TLN2: variants seen among roughly 807,000 people sequenced by gnomAD.
TLN2 encodes the protein talin-2.
In TLN2, 118 loss-of-function variants were observed where a neutral mutation model predicts 294.7. The ratio of observed to expected loss-of-function variants is 0.40; its 90% CI spans 0.34 to 0.47. TLN2 has a LOEUF of 0.47. Among genes scored for constraint, TLN2 ranks in the 20% least tolerant of loss-of-function variants. The pLI, the probability that TLN2 is intolerant of heterozygous loss-of-function variation, is 0.84. For synonymous variants in TLN2, 1,431 were observed against 1,304.5 expected (o/e 1.10, Z -2.09); for missense variants, 3,083 against 3,282.2 (o/e 0.94, Z 1.48).
At chr15:62,427,567 T>G (rs2034783887) in intron 1 of TLN2, among the ~76,000 whole-genome samples, 1 of 152,020 alleles carries the variant, frequency 6.6e-6, no homozygotes, top group African/African-American at 2.4e-5. Flanking sequence ...CTTGCTGGGC[T>G]GGGGGGTGGA....
chr15:62,481,269 A>G (rs1158875507), intron 1 of TLN2, among the ~76,000 whole-genome samples: 1 of 152,106 alleles, frequency 6.6e-6, no homozygotes, highest in East Asian at 1.9e-4. Context: ...TAAAAACAAC[A>G]AACTATTAAT....
intron 12 of TLN2, among the ~76,000 whole-genome samples, chr15:62,687,639 G>C (rs1335824910): frequency 6.6e-6 from 1 of 152,188 alleles, no homozygotes; most frequent in East Asian, 1.9e-4. Flanking sequence ...CAGTTCTTAA[G>C]ACTCTTGAAG....
chr15:62,659,838 C>A (rs2053620974), intron 9 of TLN2, among the ~76,000 whole-genome samples: 1 of 152,116 alleles, frequency 6.6e-6, no homozygotes, highest in Admixed American at 6.6e-5. Flanking sequence ...TAATTGGGTA[C>A]ATTATTGCTT....
chr15:62,496,119 C>A (rs975909375), intron 1 of TLN2, among the ~76,000 whole-genome samples: 1 of 152,250 alleles, frequency 6.6e-6, no homozygotes, highest in Non-Finnish European at 1.5e-5. Context: ...CCTGCAGAGG[C>A]TGTGATTCCA....
At chr15:62,593,917 G>A (rs893902867) in intron 2 of TLN2, among the ~76,000 whole-genome samples, 12 of 152,180 alleles carry the variant, frequency 7.9e-5, no homozygotes, top group Non-Finnish European at 2.9e-5. Flanking sequence ...TGTAAACAAT[G>A]ATCTTATGGA....
At chr15:62,463,015 C>CG (rs2036897323) in intron 1 of TLN2, among the ~76,000 whole-genome samples, 1 of 152,164 alleles carries the variant, frequency 6.6e-6, no homozygotes, top group African/African-American at 2.4e-5. Flanking sequence ...GCCGTGGCCA[C>CG]GGGGGTACTT....
chr15:62,750,668 G>T (rs1453275520), intron 34 of TLN2, among the ~76,000 whole-genome samples, 177 bp downstream of exon 34: 1 of 152,150 alleles, frequency 6.6e-6, no homozygotes, highest in South Asian at 2.1e-4. Context: ...CGGTGCATCA[G>T]AATCACCTGG....
At chr15:62,825,355 TTTGAA>T (rs1452278092) in intron 54 of TLN2, among the ~76,000 whole-genome samples, 1 of 152,134 alleles carries the variant, frequency 6.6e-6, no homozygotes, top group Non-Finnish European at 1.5e-5. Context: ...AGCCCAGTTG[TTTGAA>T]TTGATGTGAT....
chr15:62,473,000 C>G (rs2037570856), intron 1 of TLN2, among the ~76,000 whole-genome samples: 1 of 152,122 alleles, frequency 6.6e-6, no homozygotes, highest in African/African-American at 2.4e-5. Flanking sequence ...GAGACTGTTC[C>G]TGGTCACAGA....
intron 26 of TLN2, among the ~76,000 whole-genome samples, chr15:62,722,994 C>T (rs1457299995): frequency 6.6e-6 from 1 of 152,214 alleles, no homozygotes; most frequent in Non-Finnish European, 1.5e-5. Context: ...ACAAGGTCTT[C>T]AAGAGAACAG....
At chr15:62,549,480 G>GCATCCATGCATCCATC (rs1555427562) in intron 1 of TLN2, among the ~76,000 whole-genome samples, 2,273 of 147,852 alleles carry the variant, frequency 0.015, 65 homozygotes, top group African/African-American at 0.055. Flanking sequence ...TGCATGCCAT[G>GCATCCATGCATCCATC]CATCCATCCA....
intron 9 of TLN2, 82 bp from the exon 10 acceptor site, chr15:62,673,745 T>C (rs545161256): frequency 4.7e-6 from 5 of 1,065,344 alleles, no homozygotes; most frequent in East Asian, 2.4e-5. Context: ...GAGTTAACTA[T>C]GAGTTTTATT....
At chr15:62,820,639 G>T (rs200136697) in intron 54 of TLN2, 29 bp downstream of exon 54, 1 of 1,603,856 alleles carries the variant, frequency 6.2e-7, no homozygotes, top group Non-Finnish European at 8.5e-7. Flanking sequence ...TTGGCTGTCC[G>T]ATGTCAGTGG....
intron 1 of TLN2, among the ~76,000 whole-genome samples, chr15:62,401,499 C>T (rs1224539955): frequency 1.3e-5 from 2 of 152,140 alleles, no homozygotes; most frequent in Non-Finnish European, 2.9e-5. Flanking sequence ...TGGCGCTTTG[C>T]AGGATGGGTT....
At chr15:62,574,577 C>A (rs2044217423) in intron 1 of TLN2, among the ~76,000 whole-genome samples, 1 of 25,436 alleles carries the variant, frequency 3.9e-5, no homozygotes, top group Non-Finnish European at 7.5e-5. Context: ...GAGACCCTGT[C>A]TCAAAAAAAA....
At chr15:62,587,819 T>C (rs2045738813) in intron 1 of TLN2, among the ~76,000 whole-genome samples, 1 of 152,240 alleles carries the variant, frequency 6.6e-6, no homozygotes, top group South Asian at 2.1e-4. Context: ...CATTGGTTAT[T>C]TATTGTCAGT....
chr15:62,462,619 T>C (rs1217814685), intron 1 of TLN2, among the ~76,000 whole-genome samples: 1 of 152,152 alleles, frequency 6.6e-6, no homozygotes, highest in Admixed American at 6.5e-5. Flanking sequence ...GACCCCTGTT[T>C]TTAGGAGACA....
At chr15:62,758,193 G>C (rs536655262) in intron 37 of TLN2, among the ~76,000 whole-genome samples, 1 of 152,050 alleles carries the variant, frequency 6.6e-6, no homozygotes, top group African/African-American at 2.4e-5. Context: ...AAGCACGAGG[G>C]AGCAGGAGCA....
At position 62,840,467 on chromosome 15, in the gene TLN2, T is replaced by A. The variant is rs754664802; in HGVS notation, c.7501-15T>A. On this transcript the variant is annotated splice_polypyrimidine_tract_variant and intron_variant, in intron 58 of 58. Transcript: ENST00000636159. ...CAAAGTGTTAGGTCCATCCAGCTTG[T>A]TGCTTTCTTTCTAGATCATCGCCGC... 4 of 1,613,708 alleles carry A rather than the reference T, an allele frequency of 2.5e-6. No individual in the cohort carries two copies. Among genetic ancestry groups the A allele is most frequent in the African/African-American group, 1.3e-5 (1 of 74,872 alleles).
Sources: allele counts gnomAD v4.1 joint callset (sites outside exome capture counted in the v4.1 genomes callset), GRCh38; gene constraint gnomAD v4.1.1; transcripts MANE v1.5; gene names NCBI Gene and HGNC (gene_info 2026-07-23, HGNC 2026-07-21).